Variants in GTF2IRD1 observed in about 807,000 individuals in gnomAD.
The protein encoded by GTF2IRD1 is GTF2I repeat domain containing 1.
In GTF2IRD1, 26 loss-of-function variants were observed where a neutral mutation model predicts 113.2. That is an observed-to-expected ratio of 0.23 (90% CI 0.17 to 0.32). GTF2IRD1 has a LOEUF of 0.32. Among genes scored for constraint, GTF2IRD1 ranks in the 10% least tolerant of loss-of-function variants. The probability of loss-of-function intolerance (pLI) is 1.00; values close to 1 mark genes in which losing one functional copy is unlikely to be tolerated. For synonymous variants in GTF2IRD1, 484 were observed against 529.1 expected (o/e 0.91, Z 1.17); for missense variants, 864 against 1,280.8 (o/e 0.67, Z 4.97).
intron 22 of GTF2IRD1, among the ~76,000 whole-genome samples, chr7:74,565,647 C>T (rs1213045676): frequency 6.6e-6 from 1 of 151,840 alleles, no homozygotes; most frequent in Non-Finnish European, 1.5e-5. Context: ...TGTAATATTC[C>T]ATCCGAAGAA....
At chr7:74,514,639 G>A (rs1796820097) in intron 3 of GTF2IRD1, among the ~76,000 whole-genome samples, 1 of 152,048 alleles carries the variant, frequency 6.6e-6, no homozygotes, top group African/African-American at 2.4e-5. Flanking sequence ...GCCCAGCCTG[G>A]CATGAACCTG....
At chr7:74,556,097 C>G (rs112303920) in intron 19 of GTF2IRD1, among the ~76,000 whole-genome samples, 142 of 151,942 alleles carry the variant, frequency 9.3e-4, no homozygotes, top group African/African-American at 3.3e-3. Flanking sequence ...CAAAAAAATA[C>G]AAGAATTAGT....
chr7:74,488,799 G>T (rs1291701936), intron 1 of GTF2IRD1, among the ~76,000 whole-genome samples: 1 of 151,130 alleles, frequency 6.6e-6, no homozygotes. Context: ...GTCCTGGGGG[G>T]GTAAAAAAGG....
intron 1 of GTF2IRD1, among the ~76,000 whole-genome samples, chr7:74,484,902 C>G (rs573092062): frequency 1.3e-5 from 2 of 152,262 alleles, no homozygotes; most frequent in South Asian, 4.1e-4. Context: ...ACAGATGTGT[C>G]TTTGAGACTA....
At chr7:74,536,065 C>A in intron 10 of GTF2IRD1, 102 bp from the exon 11 acceptor site, 1 of 747,508 alleles carries the variant, frequency 1.3e-6, no homozygotes, top group South Asian at 1.6e-5. Flanking sequence ...AGGCCCTATC[C>A]CCGGGATTCC....
chr7:74,466,904 G>A lies in GTF2IRD1; in HGVS notation c.-7+12728G>A, dbSNP rs1311672556. Among the ~76,000 whole-genome samples the A allele has an allele frequency of 4.0e-5, 6 of 151,866 alleles. No individual in the cohort carries two copies. In the South Asian group the frequency reaches 8.4e-4, roughly 21 times the overall value. On this transcript the variant is annotated intron_variant, in intron 1 of 26. Transcript: ENST00000424337. ...TGTCAAGTGAATTAGAAGCAAGCTC[G>A]GGGTGGGGGCCCATGAAGGGTGGGG...
intron 22 of GTF2IRD1, among the ~76,000 whole-genome samples, chr7:74,569,910 G>T (rs782380219): frequency 1.8e-4 from 28 of 152,152 alleles, no homozygotes; most frequent in Non-Finnish European, 3.2e-4. Flanking sequence ...TGGCAGGCAG[G>T]CTGGGGGCCT....
In GTF2IRD1 at chr7:74,462,612, TGC is replaced by T. The variant is rs782237275; in HGVS notation, c.-7+8437_-7+8438del. Reference sequence around the variant, plus strand: ...TCTAGCAAACCGGCTTGGCCGGCCCTGCATCAGCTCGGGACCCCCCAGAAGAA... The same window carrying T: ...TCTAGCAAACCGGCTTGGCCGGCCCTATCAGCTCGGGACCCCCCAGAAGAA... On this transcript the variant is annotated intron_variant, in intron 1 of 26. Coordinates refer to ENST00000424337, the MANE Select transcript of GTF2IRD1 (RefSeq NM_005685.4). Among the ~76,000 whole-genome samples, 7 of 152,186 alleles carry T rather than the reference TGC, an allele frequency of 4.6e-5. No homozygotes were observed. The East Asian group carries it at 5.8e-4, about 13-fold the overall frequency.
chr7:74,472,218 T>C (rs1311753264), intron 1 of GTF2IRD1, among the ~76,000 whole-genome samples: 1 of 151,780 alleles, frequency 6.6e-6, no homozygotes, highest in Non-Finnish European at 1.5e-5. Context: ...CCAACCTGAG[T>C]TGTGCATAGG....
chr7:74,496,183 G>A (rs1795661131), intron 1 of GTF2IRD1, among the ~76,000 whole-genome samples: 1 of 152,036 alleles, frequency 6.6e-6, no homozygotes, highest in South Asian at 2.1e-4. Flanking sequence ...GTATGCATGT[G>A]AGTGGCTATG....
At chr7:74,533,360 C>A (rs1798088359) in intron 9 of GTF2IRD1, among the ~76,000 whole-genome samples, 1 of 152,120 alleles carries the variant, frequency 6.6e-6, no homozygotes, top group Non-Finnish European at 1.5e-5. Context: ...GTCTCAAACT[C>A]CTGACCTCAG....
chr7:74,540,868 G>A (rs1473065530), intron 14 of GTF2IRD1, among the ~76,000 whole-genome samples: 24 of 151,796 alleles, frequency 1.6e-4, no homozygotes, highest in Admixed American at 3.3e-4. Flanking sequence ...TCCACCTCCC[G>A]GCTTCAAGCA....
At chr7:74,469,316 A>G (rs1793943869) in intron 1 of GTF2IRD1, among the ~76,000 whole-genome samples, 1 of 152,088 alleles carries the variant, frequency 6.6e-6, no homozygotes, top group African/African-American at 2.4e-5. Flanking sequence ...TTTAAAGTGT[A>G]TAATTCAGTG....
In GTF2IRD1 at chr7:74,519,538, C is replaced by T; in HGVS notation, c.735C>T (p.Pro245=). Residue 245 remains proline (P), a synonymous_variant, in exon 6 of 27, where the codon CCC becomes CCT. Coordinates refer to ENST00000424337, the MANE Select transcript of GTF2IRD1 (RefSeq NM_005685.4). ...QAPKVPPQDL[P]PTATSSSMAS... ...CCAAGGTGCCACCCCAGGACCTGCC[C>T]CCAACCGCCACCTCCTCCTCCATGG... is the stretch of plus-strand genomic sequence containing the variant. 1 of 1,612,238 alleles carries T rather than the reference C, an allele frequency of 6.2e-7. No homozygotes were observed. Among genetic ancestry groups the T allele is most frequent in the African/African-American group, 1.3e-5 (1 of 75,026 alleles).
intron 1 of GTF2IRD1, among the ~76,000 whole-genome samples, chr7:74,471,701 A>AAAAAAAC (rs1554332421): frequency 7.4e-6 from 1 of 134,708 alleles, no homozygotes; most frequent in Non-Finnish European, 1.5e-5. Context: ...AAAAAAAAAA[A>AAAAAAAC]CAAAAAAAAC....
At chr7:74,522,922 T>C (rs1797375162) in intron 7 of GTF2IRD1, among the ~76,000 whole-genome samples, 2 of 152,206 alleles carry the variant, frequency 1.3e-5, no homozygotes, top group Admixed American at 1.3e-4. Flanking sequence ...GAACCAATGA[T>C]CACTTGTTAT....
intron 1 of GTF2IRD1, among the ~76,000 whole-genome samples, chr7:74,483,891 C>T (rs1260998812): frequency 6.6e-6 from 1 of 152,004 alleles, no homozygotes; most frequent in Admixed American, 6.6e-5. Flanking sequence ...CAACTTGGCT[C>T]ATTTCTAAGT....
chr7:74,519,842 G>C (rs1797162534), intron 6 of GTF2IRD1, 123 bp downstream of exon 6: 4 of 677,590 alleles, frequency 5.9e-6, no homozygotes, highest in Non-Finnish European at 1.0e-5. Context: ...GCCATGTCTG[G>C]GCATGGGAGT....
chr7:74,544,723 G>T, intron 14 of GTF2IRD1, 32 bp from the exon 15 acceptor site: 1 of 1,611,110 alleles, frequency 6.2e-7, no homozygotes, highest in Non-Finnish European at 8.5e-7. Flanking sequence ...GATGATGAAT[G>T]TGGCTTCCCG....
Sources: allele counts gnomAD v4.1 joint callset (sites outside exome capture counted in the v4.1 genomes callset), GRCh38; gene constraint gnomAD v4.1.1; transcripts MANE v1.5; gene names NCBI Gene and HGNC (gene_info 2026-07-23, HGNC 2026-07-21).